The following AFF3 variants were observed in gnomAD, a reference collection of about 807,000 sequenced individuals.
AFF3 encodes AF4/FMR2 family member 3.
AFF3 carries 32 observed loss-of-function variants against 129.7 expected under a neutral mutation model. The observed-to-expected ratio is 0.25, with a 90% CI of 0.19 to 0.33. The LOEUF (loss-of-function observed/expected upper bound fraction) is 0.33. Among genes scored for constraint, AFF3 ranks in the 10% least tolerant of loss-of-function variants. AFF3 has a pLI of 1.00. For missense variants in AFF3, 1,373 were observed against 1,592.0 expected (o/e 0.86, Z 2.34); for synonymous variants, 644 against 635.4 (o/e 1.01, Z -0.20).
At chr2:99,895,335 A>C (rs540626125) in intron 7 of AFF3, among the ~76,000 whole-genome samples, 1 of 152,228 alleles carries the variant, frequency 6.6e-6, no homozygotes, top group Non-Finnish European at 1.5e-5. Context: ...AAATCATGTA[A>C]ACATTTTTAA....
chr2:99,809,893 T>C (rs1467463588), intron 8 of AFF3, among the ~76,000 whole-genome samples: 1 of 152,256 alleles, frequency 6.6e-6, no homozygotes, highest in Non-Finnish European at 1.5e-5. Flanking sequence ...AACTGTTTTC[T>C]GCTGAATAGA....
intron 13 of AFF3, among the ~76,000 whole-genome samples, chr2:99,644,835 C>A (rs1684548029): frequency 6.6e-6 from 1 of 152,200 alleles, no homozygotes; most frequent in South Asian, 2.1e-4. Flanking sequence ...GGTGATGTGG[C>A]TTCTTTCGCA....
intron 7 of AFF3, among the ~76,000 whole-genome samples, chr2:99,939,276 GTTAC>G (rs957853331): frequency 1.3e-5 from 2 of 152,356 alleles, no homozygotes; most frequent in Non-Finnish European, 2.9e-5. Context: ...GCCAAGAGAA[GTTAC>G]TTAATGCATA....
At chr2:100,078,676 A>C (rs888457793) in intron 4 of AFF3, among the ~76,000 whole-genome samples, 21 of 152,284 alleles carry the variant, frequency 1.4e-4, no homozygotes, top group Admixed American at 1.1e-3. Flanking sequence ...AAAAAGTCAA[A>C]TGAGGAATTA....
chr2:99,762,976 A>C (rs1309799614), intron 8 of AFF3, among the ~76,000 whole-genome samples: 1 of 152,256 alleles, frequency 6.6e-6, no homozygotes, highest in Non-Finnish European at 1.5e-5. Flanking sequence ...TGCTGCCAAC[A>C]ACAGACATGG....
At chr2:99,818,575 T>C (rs1163780157) in intron 8 of AFF3, among the ~76,000 whole-genome samples, 1 of 152,214 alleles carries the variant, frequency 6.6e-6, no homozygotes, top group African/African-American at 2.4e-5. Flanking sequence ...AGCAAATTTC[T>C]GAGTTTCACA....
chr2:99,714,556 T>C (rs921589183), intron 11 of AFF3, among the ~76,000 whole-genome samples: 1 of 151,040 alleles, frequency 6.6e-6, no homozygotes, highest in African/African-American at 2.4e-5. Flanking sequence ...GGACACCTCA[T>C]AGACTAAAAG....
chr2:99,626,345 T>TTTCC lies in AFF3; in HGVS notation c.1184+23277_1184+23280dup, dbSNP rs1003655959. On this transcript the variant is annotated intron_variant, in intron 13 of 24. Transcript: ENST00000672756. Reference sequence around the variant, plus strand: ...TCCTTCCTTCCTTCCCTCCTCTCTCTTTCCTTCCTTCCTTCCTCTTTCCTC... The same window carrying TTTCC: ...TCCTTCCTTCCTTCCCTCCTCTCTCTTTCCTTCCTTCCTTCCTTCCTCTTTCCTC... Among the ~76,000 whole-genome samples the TTTCC allele has an allele frequency of 2.9e-5, 4 of 139,118 alleles. No individual in the cohort carries two copies. In the East Asian group the frequency reaches 6.7e-4, roughly 23 times the overall value. 91.3% of individuals were successfully genotyped at this position (139,118 alleles called of 152,430 possible). A position where few individuals can be genotyped will look rare whatever the true frequency, so the allele number is the denominator to read the frequency against.
intron 11 of AFF3, among the ~76,000 whole-genome samples, chr2:99,687,427 G>A (rs1203814940): frequency 6.6e-6 from 1 of 152,194 alleles, no homozygotes; most frequent in Non-Finnish European, 1.5e-5. Flanking sequence ...TATCAAATGA[G>A]CCAGGTGGGT....
intron 8 of AFF3, among the ~76,000 whole-genome samples, chr2:99,830,067 A>T (rs967785906): frequency 6.6e-6 from 1 of 152,186 alleles, no homozygotes; most frequent in Non-Finnish European, 1.5e-5. Context: ...GTGGGAGTTG[A>T]ACAATGAGAA....
At position 100,007,417 on chromosome 2, in the gene AFF3, A is replaced by G; in HGVS notation, c.218T>C (p.Leu73Ser). Reference sequence around the variant, plus strand: ...GTCTTTCATTTCATCATAATTGCCTAAAGTGTTCTGGATCCGGTTGGAGAG... The same window carrying G: ...GTCTTTCATTTCATCATAATTGCCTGAAGTGTTCTGGATCCGGTTGGAGAG... ...DELSNRIQNT[L>S]GNYDEMKDFL... Residue 73 changes from leucine to serine, a missense_variant, in exon 6 of 25, where the codon TTA (leucine) becomes TCA (serine). Coordinates refer to ENST00000672756, the MANE Select transcript of AFF3 (RefSeq NM_001386135.1). The G allele has an allele frequency of 1.2e-6, 2 of 1,614,182 alleles. No homozygotes were observed. Among genetic ancestry groups the G allele is most frequent in the Non-Finnish European group, 1.7e-6 (2 of 1,180,014 alleles).
chr2:99,841,264 TGA>T (rs1215528517), intron 7 of AFF3, among the ~76,000 whole-genome samples: 2 of 152,250 alleles, frequency 1.3e-5, no homozygotes, highest in African/African-American at 4.8e-5. Flanking sequence ...GGAAATGCGC[TGA>T]GAGAGAAATG....
intron 13 of AFF3, among the ~76,000 whole-genome samples, chr2:99,611,228 T>TA (rs1164197245): frequency 2.0e-5 from 3 of 152,184 alleles, no homozygotes; most frequent in Non-Finnish European, 4.4e-5. Context: ...TTTAATTGCT[T>TA]ACTGAAGCAT....
At chr2:99,900,060 G>A (rs115177683) in intron 7 of AFF3, among the ~76,000 whole-genome samples, 1,982 of 152,218 alleles carry the variant, frequency 0.013, 44 homozygotes, top group African/African-American at 0.045. Context: ...TCACAACATC[G>A]TGGCTGTAAT....
At chr2:100,089,206 C>G (rs1460200452) in intron 4 of AFF3, among the ~76,000 whole-genome samples, 1 of 151,728 alleles carries the variant, frequency 6.6e-6, no homozygotes, top group Non-Finnish European at 1.5e-5. Context: ...TTATCACTCC[C>G]TATTTATTTG....
intron 7 of AFF3, among the ~76,000 whole-genome samples, chr2:99,932,762 A>G (rs1674146877): frequency 6.6e-6 from 1 of 152,206 alleles, no homozygotes; most frequent in Non-Finnish European, 1.5e-5. Flanking sequence ...CACTCTTAGG[A>G]TAAGAAAATT....
At chr2:99,719,615 A>G (rs1678706131) in intron 11 of AFF3, among the ~76,000 whole-genome samples, 1 of 152,196 alleles carries the variant, frequency 6.6e-6, no homozygotes, top group South Asian at 2.1e-4. Context: ...GTATTATAAA[A>G]TGTCCTTTTT....
chr2:99,569,587 C>T (rs1427725081), intron 18 of AFF3, among the ~76,000 whole-genome samples: 1 of 152,098 alleles, frequency 6.6e-6, no homozygotes. Context: ...AAAGCAATAA[C>T]CCTGGCCAGC....
chr2:100,007,113 T>C, intron 6 of AFF3, 35 bp downstream of exon 6: 4 of 1,604,856 alleles, frequency 2.5e-6, no homozygotes, highest in South Asian at 1.1e-5. Context: ...TTTTAGCAGA[T>C]TTGTGCAAAT....
Sources: gnomAD v4.1 joint callset for allele counts (sites outside exome capture counted in the v4.1 genomes callset) on GRCh38, gnomAD v4.1.1 for gene constraint, MANE v1.5 for transcripts, NCBI Gene and HGNC (gene_info 2026-07-23, HGNC 2026-07-21) for gene names.